The following EVI5 variants were observed in gnomAD, a reference collection of about 807,000 sequenced individuals.
EVI5 encodes the protein ecotropic viral integration site 5 protein homolog.
EVI5 carries 73 observed loss-of-function variants against 112.0 expected under a neutral mutation model. The ratio of observed to expected loss-of-function variants is 0.65; its 90% CI spans 0.54 to 0.79. The LOEUF (loss-of-function observed/expected upper bound fraction) is 0.79. Among genes scored for constraint, EVI5 ranks in the 30% least tolerant of loss-of-function variants. EVI5 has a pLI of 0.00. For synonymous variants in EVI5, 305 were observed against 319.9 expected (o/e 0.95, Z 0.50); for missense variants, 900 against 968.8 (o/e 0.93, Z 0.94).
intron 1 of EVI5, among the ~76,000 whole-genome samples, chr1:92,743,690 C>A (rs1268375195): frequency 6.6e-6 from 1 of 152,098 alleles, no homozygotes; most frequent in Non-Finnish European, 1.5e-5. Flanking sequence ...ACAATGAAAT[C>A]TGGGGGAAAA....
At chr1:92,647,244 A>G (rs1661145435) in intron 13 of EVI5, 2 of 171,958 alleles carry the variant, frequency 1.2e-5, no homozygotes, top group Non-Finnish European at 2.6e-5. Flanking sequence ...TTTCACTGAC[A>G]TTTAAGTTAT....
chr1:92,622,260 A>G, intron 16 of EVI5: 1 of 416,824 alleles, frequency 2.4e-6, no homozygotes, highest in South Asian at 1.7e-5. Flanking sequence ...CCTCAGTAGA[A>G]GTGGCTTCCT....
chr1:92,559,502 G>A (rs1170265431), intron 19 of EVI5, among the ~76,000 whole-genome samples: 3 of 152,012 alleles, frequency 2.0e-5, no homozygotes, highest in Admixed American at 6.6e-5. Context: ...GGCTGGGCAT[G>A]GTGGCTCATG....
chr1:92,633,224 A>T (rs943466800), intron 14 of EVI5, among the ~76,000 whole-genome samples: 11 of 152,008 alleles, frequency 7.2e-5, no homozygotes, highest in African/African-American at 2.4e-4. Flanking sequence ...TTCCTGGATA[A>T]CCTTGTTAAC....
intron 10 of EVI5, among the ~76,000 whole-genome samples, chr1:92,669,724 G>T (rs535289097): frequency 6.6e-6 from 1 of 151,296 alleles, no homozygotes; most frequent in African/African-American, 2.4e-5. Flanking sequence ...ATTTCAAATG[G>T]AACTTCTTCC....
chr1:92,631,341 C>A (rs1657044132), intron 14 of EVI5, among the ~76,000 whole-genome samples: 1 of 152,134 alleles, frequency 6.6e-6, no homozygotes, highest in Non-Finnish European at 1.5e-5. Context: ...CTCTTTGTAT[C>A]CTCTTTTATT....
At position 92,608,489 on chromosome 1, in the gene EVI5, TG is replaced by T. The variant is rs906520966; in HGVS notation, c.1828-763del. Among the ~76,000 whole-genome samples, 32 of 152,146 alleles carry T rather than the reference TG, an allele frequency of 2.1e-4. No homozygotes were observed. The East Asian group carries it at 2.7e-3, about 13-fold the overall frequency. Reference sequence around the variant, plus strand: ...GAGACCAAGGTGGGCAGATCACTTGTGGCCAGGAGTTTGGGACCAACTTGGC... The same window carrying T: ...GAGACCAAGGTGGGCAGATCACTTGTGCCAGGAGTTTGGGACCAACTTGGC... On this transcript the variant is annotated intron_variant, in intron 16 of 19. Coordinates refer to ENST00000684568, the MANE Select transcript of EVI5 (RefSeq NM_001350197.2).
At chr1:92,707,674 C>A (rs184794677) in intron 2 of EVI5, among the ~76,000 whole-genome samples, 1 of 152,238 alleles carries the variant, frequency 6.6e-6, no homozygotes, top group East Asian at 1.9e-4. Context: ...GGAAGCAATT[C>A]TATCAATATT....
chr1:92,661,466 T>TA (rs1663996360), intron 13 of EVI5, among the ~76,000 whole-genome samples: 1 of 152,158 alleles, frequency 6.6e-6, no homozygotes, highest in Admixed American at 6.5e-5. Context: ...ATTATGACTG[T>TA]AGCTTATGCT....
intron 1 of EVI5, among the ~76,000 whole-genome samples, chr1:92,784,000 G>C (rs1323759510): frequency 6.6e-6 from 1 of 152,108 alleles, no homozygotes; most frequent in Non-Finnish European, 1.5e-5. Flanking sequence ...GGCAAAGAAA[G>C]GAGTTTATTA....
intron 10 of EVI5, among the ~76,000 whole-genome samples, chr1:92,672,066 A>G (rs1441198356): frequency 1.3e-5 from 2 of 151,946 alleles, no homozygotes; most frequent in African/African-American, 4.8e-5. Context: ...TGGCCTCCCT[A>G]AGTGCTGGGA....
At chr1:92,659,437 G>A (rs1663587991) in intron 13 of EVI5, among the ~76,000 whole-genome samples, 1 of 151,942 alleles carries the variant, frequency 6.6e-6, no homozygotes, top group South Asian at 2.1e-4. Flanking sequence ...AGTGAGCAAA[G>A]GACATGAACA....
chr1:92,590,231 G>A (rs886995912), intron 18 of EVI5, among the ~76,000 whole-genome samples: 10 of 152,186 alleles, frequency 6.6e-5, no homozygotes, highest in Non-Finnish European at 1.3e-4. Flanking sequence ...AAGGAACGCA[G>A]CTCCTCACCA....
chr1:92,776,485 A>G (rs1684149275), intron 1 of EVI5, among the ~76,000 whole-genome samples: 1 of 152,216 alleles, frequency 6.6e-6, no homozygotes, highest in Admixed American at 6.5e-5. Context: ...TTAACTATAC[A>G]CTAAAATCTC....
intron 1 of EVI5, among the ~76,000 whole-genome samples, chr1:92,739,997 T>A (rs1678109575): frequency 6.7e-6 from 1 of 148,392 alleles, no homozygotes; most frequent in South Asian, 2.1e-4. Flanking sequence ...AAAGGGGCAG[T>A]GCGGCAGAAC....
At position 92,635,524 on chromosome 1, in the gene EVI5, G is replaced by A. The variant is rs149059777; in HGVS notation, c.1527+678C>T. Among the ~76,000 whole-genome samples, 7 of 152,262 alleles carry A rather than the reference G, an allele frequency of 4.6e-5. No individual in the cohort carries two copies. The East Asian group carries it at 1.4e-3, about 29-fold the overall frequency. ...TGGTGTGCTGTTTGCTCAGACCATCGGAAAAGCGCAGTATTAGGGTGCGAG... is the reference window on the plus strand; with the variant it reads ...TGGTGTGCTGTTTGCTCAGACCATCAGAAAAGCGCAGTATTAGGGTGCGAG... On this transcript the variant is annotated intron_variant, in intron 14 of 19. Coordinates refer to ENST00000684568, the MANE Select transcript of EVI5 (RefSeq NM_001350197.2).
At position 92,570,335 on chromosome 1, in the gene EVI5, G is replaced by C. The variant is rs77347059; in HGVS notation, c.2071-6598C>G. Among the ~76,000 whole-genome samples the C allele has an allele frequency of 1.8e-3, 275 of 152,062 alleles. 1 individual carries two copies. Among genetic ancestry groups the C allele is most frequent in the Middle Eastern group, 6.8e-3 (2 of 294 alleles). On this transcript the variant is annotated intron_variant, in intron 18 of 19. Transcript: ENST00000684568. ...TTTTGGCGGGAGCGAGGGCAGGGGG[G>C]GCCTAATTTTGGTATGAGGTCATAC...
chr1:92,653,215 T>C (rs539337242), intron 13 of EVI5, among the ~76,000 whole-genome samples: 10 of 152,314 alleles, frequency 6.6e-5, no homozygotes, highest in Middle Eastern at 3.4e-3. Context: ...CAGAGCCCCA[T>C]AGACATTCCC....
chr1:92,566,235 G>C (rs968798678), intron 18 of EVI5, among the ~76,000 whole-genome samples: 1 of 152,052 alleles, frequency 6.6e-6, no homozygotes. Flanking sequence ...ATTAATATTT[G>C]CATAGATATA....
Sources: gnomAD v4.1 joint callset for allele counts (sites outside exome capture counted in the v4.1 genomes callset) on GRCh38, gnomAD v4.1.1 for gene constraint, MANE v1.5 for transcripts, NCBI Gene and HGNC (gene_info 2026-07-23, HGNC 2026-07-21) for gene names.